Variants in SUGCT observed in about 807,000 individuals in gnomAD.
SUGCT encodes succinyl-CoA:glutarate CoA-transferase.
SUGCT carries 41 observed loss-of-function variants against 55.0 expected under a neutral mutation model. The observed-to-expected ratio is 0.74, with a 90% CI of 0.58 to 0.97. SUGCT has a LOEUF of 0.97. Ranked by LOEUF, SUGCT falls within the 50% of genes least tolerant of loss-of-function variation. The probability of loss-of-function intolerance (pLI) is 0.00; values close to 1 mark genes in which losing one functional copy is unlikely to be tolerated. For synonymous variants in SUGCT, 187 were observed against 200.4 expected (o/e 0.93, Z 0.56); for missense variants, 568 against 547.8 (o/e 1.04, Z -0.37).
At chr7:40,554,957 G>A (rs1049015901) in intron 12 of SUGCT, among the ~76,000 whole-genome samples, 2 of 151,970 alleles carry the variant, frequency 1.3e-5, no homozygotes, top group Non-Finnish European at 2.9e-5. Flanking sequence ...CCATGAAACT[G>A]CTATTCCTTC....
intron 9 of SUGCT, among the ~76,000 whole-genome samples, chr7:40,416,099 T>G (rs2151357400): frequency 6.6e-6 from 1 of 152,128 alleles, no homozygotes; most frequent in East Asian, 1.9e-4. Context: ...CCAAGGACAT[T>G]GTTTGCCTAT....
chr7:40,204,755 G>A (rs969876493), intron 6 of SUGCT, among the ~76,000 whole-genome samples: 1 of 150,990 alleles, frequency 6.6e-6, no homozygotes, highest in African/African-American at 2.4e-5. Context: ...GTGAGACCTC[G>A]TCTCTAGAAA....
the SUGCT span, among the ~76,000 whole-genome samples, chr7:40,968,896 A>G: frequency 2.0e-5 from 3 of 152,190 alleles, no homozygotes; most frequent in South Asian, 6.2e-4. Context: ...CCCTCCTCAC[A>G]AGCACCTGTG....
At chr7:40,461,992 C>T (rs1789828286) in intron 11 of SUGCT, among the ~76,000 whole-genome samples, 1 of 152,122 alleles carries the variant, frequency 6.6e-6, no homozygotes, top group Non-Finnish European at 1.5e-5. Context: ...ATGACTGTGT[C>T]CTTGTTTGTT....
chr7:40,252,307 A>C (rs1023534999), intron 7 of SUGCT, among the ~76,000 whole-genome samples: 3 of 151,890 alleles, frequency 2.0e-5, no homozygotes, highest in African/African-American at 7.3e-5. Flanking sequence ...TTTGTTAGCT[A>C]GGAGTTTCAC....
At chr7:40,901,062 A>T in the SUGCT span, among the ~76,000 whole-genome samples, 2 of 152,100 alleles carry the variant, frequency 1.3e-5, no homozygotes, top group Non-Finnish European at 2.9e-5. Flanking sequence ...CTGTTAGCTG[A>T]TTGTTTTAGG....
intron 6 of SUGCT, among the ~76,000 whole-genome samples, chr7:40,227,011 T>G (rs951401665): frequency 6.7e-6 from 1 of 149,484 alleles, no homozygotes; most frequent in Non-Finnish European, 1.5e-5. Flanking sequence ...AAATTTAAAG[T>G]CACCTAAAGT....
intron 13 of SUGCT, among the ~76,000 whole-genome samples, chr7:40,774,413 T>C (rs1394187644): frequency 6.6e-6 from 1 of 152,210 alleles, no homozygotes; most frequent in East Asian, 1.9e-4. Context: ...TGTCTGTTGC[T>C]TTCTCTTTAG....
intron 12 of SUGCT, among the ~76,000 whole-genome samples, chr7:40,501,221 C>T (rs1792266115): frequency 6.6e-6 from 1 of 152,088 alleles, no homozygotes; most frequent in Non-Finnish European, 1.5e-5. Flanking sequence ...AATTTAGATA[C>T]ATCATATTAT....
In SUGCT at chr7:40,860,597, C is replaced by T; in HGVS notation, c.*118C>T. ...CTAAAAAGAAGATTTAGAGTAACTC[C>T]AGATTTCTTACATGGCATCTCCAGA... On this transcript the variant is annotated 3_prime_UTR_variant, in exon 14 of 14. Transcript: ENST00000335693. 2 of 1,087,732 alleles carry T rather than the reference C, an allele frequency of 1.8e-6. No homozygotes were observed. The highest frequency in any genetic ancestry group is 1.6e-5 in the African/African-American group (1 of 63,716). 67.4% of individuals were successfully genotyped at this position (1,087,732 alleles called of 1,614,324 possible).
the SUGCT span, chr7:40,966,739 G>A: frequency 2.0e-5 from 3 of 152,168 alleles, no homozygotes; most frequent in African/African-American, 4.8e-5. Flanking sequence ...TAAGCACTCC[G>A]TTAATGCTTC....
At chr7:40,898,483 G>GGGA in the SUGCT span, among the ~76,000 whole-genome samples, 12 of 108,366 alleles carry the variant, frequency 1.1e-4, no homozygotes, top group Admixed American at 3.7e-4. Flanking sequence ...GGGAGGTCGG[G>GGGA]GGGGGGGGGG....
chr7:41,011,135 C>T, the SUGCT span, among the ~76,000 whole-genome samples: 1 of 152,134 alleles, frequency 6.6e-6, no homozygotes, highest in Non-Finnish European at 1.5e-5. Context: ...TATAAGAACA[C>T]TGGTTGACAC....
At chr7:40,683,094 G>A (rs903092826) in intron 12 of SUGCT, among the ~76,000 whole-genome samples, 3 of 151,026 alleles carry the variant, frequency 2.0e-5, no homozygotes, top group African/African-American at 7.3e-5. Flanking sequence ...ATTTACTTTA[G>A]ATGACTTTTC....
chr7:40,275,334 T>C (rs1266360577), intron 8 of SUGCT, among the ~76,000 whole-genome samples: 4 of 152,190 alleles, frequency 2.6e-5, no homozygotes, highest in Admixed American at 1.3e-4. Context: ...GGACTTTTCC[T>C]TGCAATTGTG....
At chr7:41,010,609 G>A in the SUGCT span, among the ~76,000 whole-genome samples, 1 of 152,166 alleles carries the variant, frequency 6.6e-6, no homozygotes, top group Non-Finnish European at 1.5e-5. Context: ...AGTGGCCATA[G>A]GGTGGTGCTG....
chr7:40,168,279 C>G (rs1199077976), intron 1 of SUGCT, among the ~76,000 whole-genome samples: 1 of 152,148 alleles, frequency 6.6e-6, no homozygotes, highest in Non-Finnish European at 1.5e-5. Context: ...AATGACCACT[C>G]TAACTGCTTC....
chr7:40,152,662 C>G lies in SUGCT; in HGVS notation c.100+17542C>G, dbSNP rs73312931. On this transcript the variant is annotated intron_variant, in intron 1 of 13. Coordinates refer to ENST00000335693, the MANE Select transcript of SUGCT (RefSeq NM_001193313.2). Reference sequence around the variant, plus strand: ...GGATTTTGAAGACTTGGCTGGAAAACTCCCGTGGTCAAACACTTTAATTTT... The same window carrying G: ...GGATTTTGAAGACTTGGCTGGAAAAGTCCCGTGGTCAAACACTTTAATTTT... 804 of 181,942 alleles carry G rather than the reference C, an allele frequency of 4.4e-3. 11 individuals are homozygous for G. The highest frequency in any genetic ancestry group is 0.018 in the African/African-American group (756 of 42,066). The allele number at this position is 181,942 out of a possible 1,614,324, so 11.3% of individuals were successfully genotyped here.
At chr7:40,362,475 C>T (rs1369045583) in intron 9 of SUGCT, among the ~76,000 whole-genome samples, 1 of 152,062 alleles carries the variant, frequency 6.6e-6, no homozygotes, top group African/African-American at 2.4e-5. Context: ...TCAATGTAAT[C>T]CTTCAGTGTC....
Sources: allele counts gnomAD v4.1 joint callset (sites outside exome capture counted in the v4.1 genomes callset), GRCh38; gene constraint gnomAD v4.1.1; transcripts MANE v1.5; gene names NCBI Gene and HGNC (gene_info 2026-07-23, HGNC 2026-07-21).